ALDH1A3: variants seen among roughly 807,000 people sequenced by gnomAD.
ALDH1A3 encodes retinaldehyde dehydrogenase 3.
ALDH1A3 carries 28 observed loss-of-function variants against 57.5 expected under a neutral mutation model. The observed-to-expected ratio is 0.49, with a 90% CI of 0.36 to 0.67. The LOEUF is 0.67. Ranked by LOEUF, ALDH1A3 falls within the 30% of genes least tolerant of loss-of-function variation. The pLI is 0.00. For synonymous variants in ALDH1A3, 281 were observed against 264.8 expected (o/e 1.06, Z -0.59); for missense variants, 507 against 669.4 (o/e 0.76, Z 2.68).
At chr15:100,895,632 C>T in intron 6 of ALDH1A3, 1 of 409,380 alleles carries the variant, frequency 2.4e-6, no homozygotes, top group Non-Finnish European at 4.5e-6. Context: ...CGGGCCATGG[C>T]CACCTTGAAG....
rs2041855038 is a variant in ALDH1A3 at position 100,909,076 on chromosome 15, CGCGTGCATGTAAA to C, written c.1466+595_1466+607del. On this transcript the variant is annotated intron_variant, in intron 12 of 12. Coordinates refer to ENST00000329841, the MANE Select transcript of ALDH1A3 (RefSeq NM_000693.4). ...GTGCAAACCCACTGCAAACCCTCCA[CGCGTGCATGTAAA>C]CCCACTGCAAACCCCTCCGTGCGTG... is the stretch of plus-strand genomic sequence containing the variant. 4.1e-5 allele frequency among the ~76,000 whole-genome samples: 6 copies of C among 148,128 alleles called. No individual in the cohort carries two copies. The South Asian group carries it at 1.3e-3, about 32-fold the overall frequency.
At position 100,907,117 on chromosome 15, in the gene ALDH1A3, A is replaced by G. The variant is rs1447220392; in HGVS notation, c.1234-4A>G. 5 of 1,611,944 alleles carry G rather than the reference A, an allele frequency of 3.1e-6. No homozygotes were observed. Among genetic ancestry groups the G allele is most frequent in the East Asian group, 4.5e-5 (2 of 44,832 alleles). On this transcript the variant is annotated splice_polypyrimidine_tract_variant and splice_region_variant and intron_variant, in intron 10 of 12. Coordinates refer to ENST00000329841, the MANE Select transcript of ALDH1A3 (RefSeq NM_000693.4). ...CTCATTGCCATTCTTGCAATTAATC[A>G]TAGATTTTCGGGCCAGTGCAACCAA... is the stretch of plus-strand genomic sequence containing the variant.
At chr15:100,885,815 G>A (rs922916784) in intron 2 of ALDH1A3, among the ~76,000 whole-genome samples, 1 of 152,116 alleles carries the variant, frequency 6.6e-6, no homozygotes, top group Non-Finnish European at 1.5e-5. Flanking sequence ...TTGCTACCCG[G>A]GTGATGCGGG....
At chr15:100,905,177 G>A (rs1190413466) in intron 9 of ALDH1A3, among the ~76,000 whole-genome samples, 1 of 152,232 alleles carries the variant, frequency 6.6e-6, no homozygotes, top group East Asian at 1.9e-4. Flanking sequence ...TTGGCAACCT[G>A]AGTAGAATGT....
Position 100,889,012 on chromosome 15 carries a change from C to T in ALDH1A3, c.345+1300C>T, listed in dbSNP as rs905269006. 7 of 152,190 alleles carry T rather than the reference C, an allele frequency of 4.6e-5. No homozygotes were observed. The highest frequency in any genetic ancestry group is 1.7e-4 in the African/African-American group (7 of 41,432). 9.4% of individuals were successfully genotyped at this position (152,190 alleles called of 1,614,324 possible). ...CCAAGGCATTCATCAGTTGTAAGTCCATTTTTTAGCAGGATCCTCAGACCC... is the reference window on the plus strand; with the variant it reads ...CCAAGGCATTCATCAGTTGTAAGTCTATTTTTTAGCAGGATCCTCAGACCC... On this transcript the variant is annotated intron_variant, in intron 3 of 12. Transcript: ENST00000329841. This position sits in a 1 kb window ranked among gnomAD's most constrained non-coding sequence, Gnocchi z 5.1.
In ALDH1A3 at chr15:100,896,040, C is replaced by T. The variant is rs1255223190; in HGVS notation, c.774C>T (p.Ser258=). 2.2e-5 allele frequency: 36 copies of T among 1,608,046 alleles called. No homozygotes were observed. Among genetic ancestry groups the T allele is most frequent in the Non-Finnish European group, 3.1e-5 (36 of 1,177,134 alleles). ...PQINKIAFTG[S]TEVGKLVKEA... Reference sequence around the variant, plus strand: ...TCAACAAGATCGCCTTCACCGGCTCCACAGAGGTAACCCTCCTCACAGGGT... The same window carrying T: ...TCAACAAGATCGCCTTCACCGGCTCTACAGAGGTAACCCTCCTCACAGGGT... The change falls in exon 7 of 13, where the codon TCC becomes TCT. Residue 258 remains serine (S), a synonymous_variant. Coordinates refer to ENST00000329841, the MANE Select transcript of ALDH1A3 (RefSeq NM_000693.4).
chr15:100,887,529 C>A lies in ALDH1A3; in HGVS notation c.205-43C>A, dbSNP rs1235895494. ...AAAGATGACACCCAAACTGCAGTCA[C>A]GTCAAAAGATGACAGTCTCTCTCTG... On this transcript the variant is annotated intron_variant, in intron 2 of 12. Coordinates refer to ENST00000329841, the MANE Select transcript of ALDH1A3 (RefSeq NM_000693.4). The surrounding 1 kb of genome is among the most constrained non-coding windows in gnomAD (Gnocchi z 4.6). 1.3e-6 allele frequency: 2 copies of A among 1,496,720 alleles called. No individual in the cohort carries two copies. Among genetic ancestry groups the A allele is most frequent in the Non-Finnish European group, 1.8e-6 (2 of 1,116,298 alleles). The allele number at this position is 1,496,720 out of a possible 1,614,324, so 92.7% of individuals were successfully genotyped here. A position where few individuals can be genotyped will look rare whatever the true frequency, so the allele number is the denominator to read the frequency against.
rs1323062136 is a variant in ALDH1A3 at position 100,916,067 on chromosome 15, A to G, written c.*1294A>G. On this transcript the variant is annotated 3_prime_UTR_variant, in exon 13 of 13. Transcript: ENST00000329841. ...TTCCTAATTGGGAAAGTAGTGCTTA[A>G]GTTTGCAAATTAAGTTGGGGAGGGC... The G allele has an allele frequency of 6.6e-6, 1 of 152,234 alleles. No homozygotes were observed. The allele number at this position is 152,234 out of a possible 1,614,324, so 9.4% of individuals were successfully genotyped here.
In ALDH1A3 at chr15:100,894,368, G is replaced by A. The variant is rs984091461; in HGVS notation, c.666+286G>A. On this transcript the variant is annotated intron_variant, in intron 6 of 12. Transcript: ENST00000329841. The surrounding 1 kb of genome is among the most constrained non-coding windows in gnomAD (Gnocchi z 4.5). ...GTGGTTTGTCTAGAGAATTTTCAGGGGGGGTCAACCAAGAGGGAGCCAAAT... is the reference window on the plus strand; with the variant it reads ...GTGGTTTGTCTAGAGAATTTTCAGGAGGGGTCAACCAAGAGGGAGCCAAAT... The A allele has an allele frequency of 1.1e-5, 3 of 280,936 alleles. No individual in the cohort carries two copies. Among genetic ancestry groups the A allele is most frequent in the Admixed American group, 9.6e-5 (2 of 20,934 alleles). 17.4% of individuals were successfully genotyped at this position (280,936 alleles called of 1,614,324 possible). A position where few individuals can be genotyped will look rare whatever the true frequency, so the allele number is the denominator to read the frequency against.
chr15:100,892,766 C>A, intron 4 of ALDH1A3, 127 bp downstream of exon 4: 5 of 1,388,126 alleles, frequency 3.6e-6, no homozygotes, highest in Non-Finnish European at 3.9e-6. Context: ...CCAAATGGTA[C>A]TGCCAATTCT....
At chr15:100,892,912 T>C (rs2141555233) in intron 4 of ALDH1A3, 33 bp from the exon 5 acceptor site, 2 of 1,609,602 alleles carry the variant, frequency 1.2e-6, no homozygotes, top group Admixed American at 1.7e-5. Flanking sequence ...ACTAAGTGAG[T>C]GTGTCCTTCC....
At chr15:100,899,492 TCTC>T (rs909307489) in intron 8 of ALDH1A3, among the ~76,000 whole-genome samples, 3 of 152,100 alleles carry the variant, frequency 2.0e-5, no homozygotes, top group Non-Finnish European at 4.4e-5. Context: ...GCCACCTCCT[TCTC>T]CTCATCAGGG....
At chr15:100,900,239 T>C (rs2041752683) in intron 8 of ALDH1A3, among the ~76,000 whole-genome samples, 1 of 152,138 alleles carries the variant, frequency 6.6e-6, no homozygotes, top group African/African-American at 2.4e-5. Context: ...AAAACATTAG[T>C]CCTCTAGAAA....
In ALDH1A3 at chr15:100,893,883, G is replaced by C; in HGVS notation, c.538-71G>C. The C allele has an allele frequency of 3.2e-6, 5 of 1,554,268 alleles. No homozygotes were observed. Among genetic ancestry groups the C allele is most frequent in the Non-Finnish European group, 4.3e-6 (5 of 1,152,648 alleles). On this transcript the variant is annotated intron_variant, in intron 5 of 12. Transcript: ENST00000329841. The surrounding 1 kb of genome is among the most constrained non-coding windows in gnomAD (Gnocchi z 4.8). ...TGAAAAGCAAGTGTCCTCCACAAAG[G>C]CATCGTTGAGCACATGGGACAGGGT...
Position 100,903,234 on chromosome 15 carries a change from TGTTTTC to T in ALDH1A3, c.1069-2286_1069-2281del, listed in dbSNP as rs138345523. Among the ~76,000 whole-genome samples the T allele has an allele frequency of 3.4e-4, 48 of 142,758 alleles. 1 individual carries two copies. The East Asian group carries it at 0.011, about 32-fold the overall frequency. The allele number at this position is 142,758 out of a possible 152,430, so 93.7% of individuals were successfully genotyped here. ...TAGTTCCTCATGTTTCCCTCTAGAA[TGTTTTC>T]GTGTGCATGCAAGCAGATGAATGCA... On this transcript the variant is annotated intron_variant, in intron 9 of 12. Coordinates refer to ENST00000329841, the MANE Select transcript of ALDH1A3 (RefSeq NM_000693.4).
Position 100,916,301 on chromosome 15 carries a change from T to C in ALDH1A3, c.*1528T>C, listed in dbSNP as rs1462762221. On this transcript the variant is annotated 3_prime_UTR_variant, in exon 13 of 13. Coordinates refer to ENST00000329841, the MANE Select transcript of ALDH1A3 (RefSeq NM_000693.4). ...TTCAGTATTTTATCTCAAGTAGATA[T>C]AGACACTAACCTTGATAGTGATACG... 3.9e-5 allele frequency: 6 copies of C among 152,330 alleles called. No individual in the cohort carries two copies. Among genetic ancestry groups the C allele is most frequent in the East Asian group, 1.9e-4 (1 of 5,200 alleles). The allele number at this position is 152,330 out of a possible 1,614,324, so 9.4% of individuals were successfully genotyped here. A position where few individuals can be genotyped will look rare whatever the true frequency, so the allele number is the denominator to read the frequency against.
At chr15:100,881,173 T>G (rs1007594066) in intron 1 of ALDH1A3, 2 of 152,272 alleles carry the variant, frequency 1.3e-5, no homozygotes, top group African/African-American at 4.8e-5. Flanking sequence ...TCTTGGCACT[T>G]AATTCCCAAT....
At chr15:100,886,500 A>T (rs1030504414) in intron 2 of ALDH1A3, among the ~76,000 whole-genome samples, 4 of 152,084 alleles carry the variant, frequency 2.6e-5, no homozygotes, top group Non-Finnish European at 5.9e-5. Context: ...GGGAGAAGAA[A>T]TTCAGTGTCC....
Position 100,893,085 on chromosome 15 carries a change from G to A in ALDH1A3, c.537+79G>A. 2 of 1,369,440 alleles carry A rather than the reference G, an allele frequency of 1.5e-6. No homozygotes were observed. Among genetic ancestry groups the A allele is most frequent in the African/African-American group, 1.4e-5 (1 of 69,334 alleles). The allele number at this position is 1,369,440 out of a possible 1,614,324, so 84.8% of individuals were successfully genotyped here. A position where few individuals can be genotyped will look rare whatever the true frequency, so the allele number is the denominator to read the frequency against. ...CTGTGTCCTTTGGAATCAATTTCTGGTGTGTTTTTATCTGATTGCACCAGC... is the reference window on the plus strand; with the variant it reads ...CTGTGTCCTTTGGAATCAATTTCTGATGTGTTTTTATCTGATTGCACCAGC... On this transcript the variant is annotated intron_variant, in intron 5 of 12. Transcript: ENST00000329841. The surrounding 1 kb of genome is among the most constrained non-coding windows in gnomAD (Gnocchi z 4.8).
Sources: allele counts gnomAD v4.1 joint callset (sites outside exome capture counted in the v4.1 genomes callset), GRCh38; gene constraint gnomAD v4.1.1; non-coding constraint Gnocchi (gnomAD v3.1); transcripts MANE v1.5; gene names NCBI Gene and HGNC (gene_info 2026-07-23, HGNC 2026-07-21).